Variants in TSPAN12 observed in about 807,000 individuals in gnomAD.
TSPAN12 encodes tetraspanin-12.
A neutral mutation model predicts 39.2 loss-of-function variants in TSPAN12; 19 were observed. The ratio of observed to expected loss-of-function variants is 0.49; its 90% CI spans 0.34 to 0.71. The LOEUF (loss-of-function observed/expected upper bound fraction) is 0.71, where lower values mean the gene tolerates loss of function less well. TSPAN12 is among the 30% of genes least tolerant of loss of function. The probability of loss-of-function intolerance (pLI) is 0.01; values close to 1 mark genes in which losing one functional copy is unlikely to be tolerated. For missense variants in TSPAN12, 314 were observed against 359.9 expected, an observed-to-expected ratio of 0.87 and a Z score of 1.03; for synonymous variants, 119 against 124.8, an observed-to-expected ratio of 0.95 and a Z score of 0.31.
At position 120,789,992 on chromosome 7, in the gene TSPAN12, G is replaced by A. The variant is rs1037165651; in HGVS notation, c.613-1095C>T. 2.6e-5 allele frequency among the ~76,000 whole-genome samples: 4 copies of A among 152,116 alleles called. No homozygotes were observed. The East Asian group carries it at 5.8e-4, about 22-fold the overall frequency. The stretch of plus-strand genomic sequence containing the variant: ...GTGGCCAGATTTTCATGCACTATGC[G>A]AATGGTACACCTGATCTGACCAATC... On this transcript the variant is annotated intron_variant, in intron 7 of 7. Transcript: ENST00000222747.
At chr7:120,831,341 T>C (rs1405201912) in intron 4 of TSPAN12, among the ~76,000 whole-genome samples, 2 of 152,050 alleles carry the variant, frequency 1.3e-5, no homozygotes, top group East Asian at 1.9e-4. Context: ...GATATCTGTA[T>C]TCTCATGTTC....
intron 4 of TSPAN12, among the ~76,000 whole-genome samples, chr7:120,817,764 T>C (rs1794112077): frequency 6.6e-6 from 1 of 152,060 alleles, no homozygotes; most frequent in South Asian, 2.1e-4. Context: ...GAATAAAACT[T>C]CTTTGCAATT....
At chr7:120,848,376 A>C (rs1794711634) in intron 2 of TSPAN12, among the ~76,000 whole-genome samples, 1 of 152,190 alleles carries the variant, frequency 6.6e-6, no homozygotes, top group Non-Finnish European at 1.5e-5. Flanking sequence ...AGTGGTGCCT[A>C]ATATAGGTTA....
At chr7:120,846,528 A>G (rs979357978) in intron 2 of TSPAN12, among the ~76,000 whole-genome samples, 2 of 152,222 alleles carry the variant, frequency 1.3e-5, no homozygotes, top group African/African-American at 4.8e-5. Flanking sequence ...AAAAAAGTGT[A>G]TATCTTTTAA....
chr7:120,816,859 C>A (rs189805495), intron 4 of TSPAN12, among the ~76,000 whole-genome samples: 1 of 152,154 alleles, frequency 6.6e-6, no homozygotes, highest in East Asian at 1.9e-4. Context: ...ATGAAGCGAG[C>A]AGCTGAACTT....
At chr7:120,798,845 T>A (rs1338938712) in intron 7 of TSPAN12, among the ~76,000 whole-genome samples, 1 of 151,956 alleles carries the variant, frequency 6.6e-6, no homozygotes, top group Non-Finnish European at 1.5e-5. Context: ...ACCCTAATAT[T>A]TTCTGCACGT....
chr7:120,835,108 T>C (rs1794452406), intron 4 of TSPAN12, among the ~76,000 whole-genome samples: 1 of 152,214 alleles, frequency 6.6e-6, no homozygotes, highest in African/African-American at 2.4e-5. Context: ...GCAAGGTGAA[T>C]GGTTCATATT....
intron 4 of TSPAN12, among the ~76,000 whole-genome samples, chr7:120,819,292 C>T (rs1794143788): frequency 6.6e-6 from 1 of 152,066 alleles, no homozygotes; most frequent in Non-Finnish European, 1.5e-5. Flanking sequence ...GTTTTATAAC[C>T]TTTTAAATCG....
At chr7:120,855,697 C>T (rs1260279203) in intron 2 of TSPAN12, among the ~76,000 whole-genome samples, 1 of 152,084 alleles carries the variant, frequency 6.6e-6, no homozygotes, top group East Asian at 1.9e-4. Context: ...TTAATTTATC[C>T]TTTAAAATGG....
At chr7:120,838,487 C>A (rs1025085117) in intron 4 of TSPAN12, among the ~76,000 whole-genome samples, 3 of 152,146 alleles carry the variant, frequency 2.0e-5, no homozygotes, top group Non-Finnish European at 2.9e-5. Flanking sequence ...TCCCAAGGGG[C>A]CTTTTTGAGT....
At chr7:120,802,639 T>C (rs189791152) in intron 7 of TSPAN12, among the ~76,000 whole-genome samples, 19 of 152,270 alleles carry the variant, frequency 1.2e-4, no homozygotes, top group Admixed American at 1.1e-3. Context: ...CAGTAGGCAA[T>C]CACAAAATAT....
chr7:120,856,776 A>T lies in TSPAN12; in HGVS notation c.-13T>A. On this transcript the variant is annotated 5_prime_UTR_variant, in exon 2 of 8. Coordinates refer to ENST00000222747, the MANE Select transcript of TSPAN12 (RefSeq NM_012338.4). ...CTTCTCTGGCCATTGTGAGCCCCGT[A>T]AGGGAGAAGCCCCATCCTTTCACCA... 6.2e-7 allele frequency: 1 copy of T among 1,614,102 alleles called. No individual in the cohort carries two copies. Among genetic ancestry groups the T allele is most frequent in the South Asian group, 1.1e-5 (1 of 91,078 alleles).
At chr7:120,815,260 C>T (rs1389925448) in intron 5 of TSPAN12, among the ~76,000 whole-genome samples, 1 of 152,120 alleles carries the variant, frequency 6.6e-6, no homozygotes, top group Non-Finnish European at 1.5e-5. Context: ...GTAGCATAAA[C>T]ATTCAAATTA....
At chr7:120,843,693 G>A (rs764197246) in intron 2 of TSPAN12, among the ~76,000 whole-genome samples, 35 of 152,224 alleles carry the variant, frequency 2.3e-4, no homozygotes, top group Admixed American at 3.9e-4. Context: ...TGGGATTTAC[G>A]AATATAATAA....
chr7:120,793,438 A>G (rs2116294478), intron 7 of TSPAN12, among the ~76,000 whole-genome samples: 1 of 152,294 alleles, frequency 6.6e-6, no homozygotes, highest in African/African-American at 2.4e-5. Flanking sequence ...CTTCACACTC[A>G]GGTAGGCAAG....
At chr7:120,799,137 C>T (rs1304478500) in intron 7 of TSPAN12, among the ~76,000 whole-genome samples, 1 of 152,068 alleles carries the variant, frequency 6.6e-6, no homozygotes, top group East Asian at 1.9e-4. Context: ...TTCTCACTCC[C>T]TGCCTTAGCC....
At chr7:120,793,786 C>T (rs576033412) in intron 7 of TSPAN12, among the ~76,000 whole-genome samples, 6 of 152,310 alleles carry the variant, frequency 3.9e-5, no homozygotes, top group African/African-American at 1.2e-4. Flanking sequence ...TTATTTTCCA[C>T]CAAGGTGTAT....
chr7:120,844,181 C>T (rs1422087180), intron 2 of TSPAN12, among the ~76,000 whole-genome samples: 1 of 152,126 alleles, frequency 6.6e-6, no homozygotes, highest in African/African-American at 2.4e-5. Context: ...AGGGGAAAGT[C>T]CGTCTCCATG....
At chr7:120,838,695 C>T (rs1584948376) in intron 4 of TSPAN12, 82 bp downstream of exon 4, 1 of 1,461,768 alleles carries the variant, frequency 6.8e-7, no homozygotes, top group South Asian at 1.2e-5. Context: ...TCACTGCTCC[C>T]TAATCTTGTG....
Sources: allele counts gnomAD v4.1 joint callset (sites outside exome capture counted in the v4.1 genomes callset), GRCh38; gene constraint gnomAD v4.1.1; transcripts MANE v1.5; gene names NCBI Gene and HGNC (gene_info 2026-07-23, HGNC 2026-07-21).